The following NID1 variants were observed in gnomAD, a reference collection of about 807,000 sequenced individuals.
NID1 encodes nidogen-1.
A neutral mutation model predicts 130.6 loss-of-function variants in NID1; 76 were observed. The observed-to-expected ratio is 0.58, with a 90% CI of 0.48 to 0.70. The LOEUF (loss-of-function observed/expected upper bound fraction) is 0.70. Ranked by LOEUF, NID1 falls within the 30% of genes least tolerant of loss-of-function variation. The pLI is 0.00. For missense variants in NID1, 1,517 were observed against 1,664.8 expected, an observed-to-expected ratio of 0.91 and a Z score of 1.54; for synonymous variants, 665 against 675.1, an observed-to-expected ratio of 0.98 and a Z score of 0.23.
At chr1:236,011,764 C>A (rs1337113880) in intron 12 of NID1, among the ~76,000 whole-genome samples, 157 bp downstream of exon 12, 1 of 143,864 alleles carries the variant, frequency 7.0e-6, no homozygotes, top group East Asian at 1.9e-4. Context: ...GCCATGTGCT[C>A]TGGATTCATG....
intron 9 of NID1, among the ~76,000 whole-genome samples, chr1:236,023,058 C>CAA (rs36037520): frequency 0.052 from 7,205 of 138,434 alleles, 302 homozygotes; most frequent in African/African-American, 0.1. Context: ...GACGCCATCT[C>CAA]AAAAAAAAAA....
At chr1:236,064,675 C>G (rs1660141587) in intron 1 of NID1, 180 bp downstream of exon 1, 1 of 646,230 alleles carries the variant, frequency 1.5e-6, no homozygotes, top group African/African-American at 1.9e-5. Context: ...ATAGCAGGGA[C>G]CGGGTCGGGA....
chr1:236,008,158 T>C (rs1042624182), intron 12 of NID1, among the ~76,000 whole-genome samples: 3 of 152,252 alleles, frequency 2.0e-5, no homozygotes, highest in African/African-American at 7.2e-5. Context: ...TAGATTATTG[T>C]TTGCTATTTC....
intron 9 of NID1, among the ~76,000 whole-genome samples, chr1:236,018,597 A>C (rs1051335672): frequency 6.6e-6 from 1 of 152,186 alleles, no homozygotes; most frequent in Non-Finnish European, 1.5e-5. Context: ...GTTGAAATGA[A>C]CAGTTACACA....
chr1:236,011,310 T>TC (rs1658404538), intron 12 of NID1, among the ~76,000 whole-genome samples: 1 of 115,786 alleles, frequency 8.6e-6, no homozygotes, highest in African/African-American at 2.7e-5. Flanking sequence ...TTTTTTCTTT[T>TC]TTTTTTTTTT....
chr1:236,033,835 G>A (rs1359105239), intron 5 of NID1, among the ~76,000 whole-genome samples: 2 of 152,020 alleles, frequency 1.3e-5, no homozygotes, highest in Non-Finnish European at 2.9e-5. Flanking sequence ...TTTATAACTT[G>A]CATATATTTA....
chr1:236,042,840 A>G (rs1454975106), intron 3 of NID1, among the ~76,000 whole-genome samples: 2 of 152,192 alleles, frequency 1.3e-5, no homozygotes, highest in Non-Finnish European at 2.9e-5. Context: ...GCTCCTAGAC[A>G]GTTTCAGGAT....
At chr1:236,032,801 C>A in intron 5 of NID1, 149 bp from the exon 6 acceptor site, 1 of 1,040,436 alleles carries the variant, frequency 9.6e-7, no homozygotes, top group Non-Finnish European at 1.4e-6. Flanking sequence ...GCAAAAGCAG[C>A]TGTTCTTCCT....
At chr1:236,029,415 A>G in intron 7 of NID1, 135 bp downstream of exon 7, 1 of 779,584 alleles carries the variant, frequency 1.3e-6, no homozygotes, top group Non-Finnish European at 2.1e-6. Context: ...ATTGAGGGGA[A>G]GGTGACTGTA....
chr1:236,019,832 A>G (rs112849926), intron 9 of NID1, among the ~76,000 whole-genome samples: 3,478 of 152,212 alleles, frequency 0.023, 118 homozygotes, highest in African/African-American at 0.077. Flanking sequence ...ACCTGAGGTT[A>G]GGAGTTCGAG....
chr1:235,988,801 G>T (rs1188839010), intron 14 of NID1, among the ~76,000 whole-genome samples: 3 of 152,110 alleles, frequency 2.0e-5, no homozygotes. Flanking sequence ...CTTCTAGGAG[G>T]TACCTAGAAA....
intron 4 of NID1, among the ~76,000 whole-genome samples, chr1:236,038,764 AT>A (rs1423648060): frequency 3.4e-5 from 4 of 118,868 alleles, no homozygotes; most frequent in Admixed American, 8.8e-5. Context: ...TATAGGTCAT[AT>A]ATAATATATA....
chr1:235,984,065 G>A (rs1245844172), intron 15 of NID1, among the ~76,000 whole-genome samples: 1 of 151,812 alleles, frequency 6.6e-6, no homozygotes, highest in African/African-American at 2.4e-5. Flanking sequence ...TGTTTTCACA[G>A]TAACTAGGCT....
At chr1:235,988,561 G>A (rs1032943331) in intron 14 of NID1, among the ~76,000 whole-genome samples, 10 of 152,246 alleles carry the variant, frequency 6.6e-5, no homozygotes, top group South Asian at 2.1e-4. Context: ...GCAGGGACTC[G>A]AACAGATATT....
intron 7 of NID1, 136 bp from the exon 8 acceptor site, chr1:236,026,277 G>T: frequency 9.5e-7 from 1 of 1,057,012 alleles, no homozygotes; most frequent in Non-Finnish European, 1.4e-6. Flanking sequence ...TGACAGACCA[G>T]ACAGAACAGC....
At chr1:236,026,200 G>T in intron 7 of NID1, 59 bp from the exon 8 acceptor site, 1 of 1,594,240 alleles carries the variant, frequency 6.3e-7, no homozygotes, top group Non-Finnish European at 8.6e-7. Context: ...GATGGTTAAG[G>T]ATGCAAGAAG....
chr1:235,996,214 T>A (rs1348461599), intron 12 of NID1, among the ~76,000 whole-genome samples: 2 of 152,096 alleles, frequency 1.3e-5, no homozygotes, highest in Non-Finnish European at 2.9e-5. Context: ...TGCTGGGGGA[T>A]GCACACAGGA....
chr1:235,981,835 G>A, intron 15 of NID1, 53 bp from the exon 16 acceptor site: 4 of 1,519,072 alleles, frequency 2.6e-6, no homozygotes, highest in East Asian at 4.6e-5. Context: ...AAGCAGCTGA[G>A]ATGAGGTTTT....
intron 9 of NID1, among the ~76,000 whole-genome samples, chr1:236,018,961 T>C (rs1658678164): frequency 6.6e-6 from 1 of 152,226 alleles, no homozygotes; most frequent in Non-Finnish European, 1.5e-5. Flanking sequence ...TTGGTCAACA[T>C]TGCACAAGAC....
Sources: gnomAD v4.1 joint callset for allele counts (sites outside exome capture counted in the v4.1 genomes callset) on GRCh38, gnomAD v4.1.1 for gene constraint, MANE v1.5 for transcripts, NCBI Gene and HGNC (gene_info 2026-07-23, HGNC 2026-07-21) for gene names.